ASAP1: variants seen among roughly 807,000 people sequenced by gnomAD.
ASAP1 encodes arf-GAP with SH3 domain, ANK repeat and PH domain-containing protein 1.
Under a neutral mutation model 145.2 loss-of-function variants are expected in ASAP1, and 43 were observed. The observed-to-expected ratio is 0.30, with a 90% CI of 0.23 to 0.38. The LOEUF (loss-of-function observed/expected upper bound fraction) is 0.38. Ranked by LOEUF, ASAP1 falls within the 10% of genes least tolerant of loss-of-function variation. The probability of loss-of-function intolerance (pLI) is 1.00; values close to 1 mark genes in which losing one functional copy is unlikely to be tolerated. For missense variants in ASAP1, 1,018 were observed against 1,355.3 expected (o/e 0.75, Z 3.91); for synonymous variants, 546 against 515.5 (o/e 1.06, Z -0.80).
chr8:130,320,997 T>G lies in ASAP1; in HGVS notation c.186+37020A>C, dbSNP rs913127290. On this transcript the variant is annotated intron_variant, in intron 3 of 29. Transcript: ENST00000518721. ...GACAACCAGAAATTTGAGAAAACCT[T>G]TTTATCTCATCCCAAATATATAAAT... Among the ~76,000 whole-genome samples the G allele has an allele frequency of 8.5e-5, 13 of 152,260 alleles. 1 individual carries two copies. The highest frequency in any genetic ancestry group is 2.9e-4 in the African/African-American group (12 of 41,548).
In ASAP1 at chr8:130,443,213, CCT is replaced by C. The variant is rs1301509947; in HGVS notation, c.-28+245_-28+246del. Among the ~76,000 whole-genome samples, 263 of 149,080 alleles carry C rather than the reference CCT, an allele frequency of 1.8e-3. 1 individual carries two copies. The Middle Eastern group carries it at 0.021, about 12-fold the overall frequency. ...CTCTCCCGAGCTGGAGGCGAGGAGACCTCCCCCCCCCACCGGGCGGCCTCGCC... is the reference window on the plus strand; with the variant it reads ...CTCTCCCGAGCTGGAGGCGAGGAGACCCCCCCCCCACCGGGCGGCCTCGCC... On this transcript the variant is annotated intron_variant, in intron 1 of 29. Coordinates refer to ENST00000518721, the MANE Select transcript of ASAP1 (RefSeq NM_018482.4).
At chr8:130,425,336 T>C (rs1004376135) in intron 1 of ASAP1, among the ~76,000 whole-genome samples, 1 of 149,340 alleles carries the variant, frequency 6.7e-6, no homozygotes, top group African/African-American at 2.5e-5. Context: ...CATCTCAAAA[T>C]ATATATATAT....
chr8:130,094,824 T>C (rs980796486), intron 24 of ASAP1, among the ~76,000 whole-genome samples: 1 of 152,184 alleles, frequency 6.6e-6, no homozygotes, highest in African/African-American at 2.4e-5. Flanking sequence ...TGGAAATAAA[T>C]GGATAATAGA....
chr8:130,255,427 A>C (rs979324369), intron 3 of ASAP1, among the ~76,000 whole-genome samples: 5 of 151,994 alleles, frequency 3.3e-5, no homozygotes, highest in Non-Finnish European at 7.4e-5. Context: ...TGCTTTTTTC[A>C]CTTAATATTA....
At chr8:130,076,270 G>T in intron 27 of ASAP1, 78 bp downstream of exon 27, 5 of 999,558 alleles carry the variant, frequency 5.0e-6, no homozygotes, top group Non-Finnish European at 3.0e-6. Flanking sequence ...AATGAACAAG[G>T]GAGATAAAAA....
chr8:130,307,372 C>T (rs1353702780), intron 3 of ASAP1, among the ~76,000 whole-genome samples: 1 of 152,146 alleles, frequency 6.6e-6, no homozygotes, highest in Non-Finnish European at 1.5e-5. Flanking sequence ...TAAAGAGGGA[C>T]TCAAAATGGG....
chr8:130,158,246 A>G (rs1164853982), intron 12 of ASAP1, among the ~76,000 whole-genome samples: 5 of 152,062 alleles, frequency 3.3e-5, no homozygotes, highest in Admixed American at 6.6e-5. Flanking sequence ...ACAGTGAGTC[A>G]TGCCCGTAAT....
chr8:130,390,942 C>CA (rs146330785), intron 2 of ASAP1, among the ~76,000 whole-genome samples: 1,540 of 149,524 alleles, frequency 0.01, 38 homozygotes, highest in African/African-American at 0.037. Flanking sequence ...ATCCCCCGCC[C>CA]CCCCAAAATT....
chr8:130,092,163 G>A lies in ASAP1; in HGVS notation c.2402-20C>T, dbSNP rs1288020111. 1 of 1,560,318 alleles carries A rather than the reference G, an allele frequency of 6.4e-7. No homozygotes were observed. The highest frequency in any genetic ancestry group is 8.6e-7 in the Non-Finnish European group (1 of 1,160,802). ...TTGGACCTAGAAAGGAAATTGAATGGGGGCAGGAAGATTAATCCCAGTCTC... is the reference window on the plus strand; with the variant it reads ...TTGGACCTAGAAAGGAAATTGAATGAGGGCAGGAAGATTAATCCCAGTCTC... On this transcript the variant is annotated intron_variant, in intron 24 of 29. Transcript: ENST00000518721.
chr8:130,422,205 GCA>G (rs1829747800), intron 1 of ASAP1, among the ~76,000 whole-genome samples: 1 of 152,146 alleles, frequency 6.6e-6, no homozygotes, highest in South Asian at 2.1e-4. Flanking sequence ...AGGGGGATGG[GCA>G]CATCTTCAAC....
chr8:130,187,286 CT>C lies in ASAP1; in HGVS notation c.481-2del. ...CTTTGTCAAATGGCTTCTTGAGATC[CT>C]TAGAAACGAGAAAATGAGATTAAAA... is the stretch of plus-strand genomic sequence containing the variant. On this transcript the variant is annotated splice_acceptor_variant, in intron 6 of 29. Coordinates refer to ENST00000518721, the MANE Select transcript of ASAP1 (RefSeq NM_018482.4). LOFTEE classifies it high-confidence loss of function. 6.2e-7 allele frequency: 1 copy of C among 1,608,480 alleles called. No individual in the cohort carries two copies. Among genetic ancestry groups the C allele is most frequent in the Non-Finnish European group, 8.5e-7 (1 of 1,178,050 alleles).
At chr8:130,062,641 T>C (rs1281550853) in intron 27 of ASAP1, among the ~76,000 whole-genome samples, 1 of 152,220 alleles carries the variant, frequency 6.6e-6, no homozygotes, top group East Asian at 1.9e-4. Flanking sequence ...GTGCCAGGCA[T>C]GGAAAACCTT....
Position 130,137,004 on chromosome 8 carries a change from G to C in ASAP1, c.1115C>G (p.Thr372Ser). The change falls in exon 14 of 30, where the codon ACC becomes AGC. Residue 372 changes from threonine (T) to serine (S), a missense_variant. This residue lies in a region of ASAP1 where 27 missense variants were observed against 88.2 expected (regional missense o/e 0.31). Transcript: ENST00000518721. ...NRQPAKLNLLTCQVKPNAEDK... is the reference protein window; with the variant it reads ...NRQPAKLNLLSCQVKPNAEDK... ...TTCGGCATTAGGTTTTACTTGGCAG[G>C]TGAGAAGGTTCAACTTGGCTGGTTG... The C allele has an allele frequency of 6.2e-7, 1 of 1,614,244 alleles. No individual in the cohort carries two copies. The highest frequency in any genetic ancestry group is 8.5e-7 in the Non-Finnish European group (1 of 1,180,044).
At chr8:130,112,029 A>G in intron 24 of ASAP1, 65 bp downstream of exon 24, 1 of 1,449,040 alleles carries the variant, frequency 6.9e-7, no homozygotes, top group Non-Finnish European at 9.6e-7. Flanking sequence ...CTAGACTATC[A>G]GCTCTGAGGA....
At chr8:130,125,889 C>A in intron 17 of ASAP1, 67 bp downstream of exon 17, 5 of 1,487,768 alleles carry the variant, frequency 3.4e-6, no homozygotes, top group South Asian at 1.4e-5. Flanking sequence ...AAAAAAAATC[C>A]AAAACAATAT....
intron 27 of ASAP1, among the ~76,000 whole-genome samples, chr8:130,071,262 G>A (rs1306527346): frequency 6.6e-6 from 1 of 152,122 alleles, no homozygotes; most frequent in Non-Finnish European, 1.5e-5. Context: ...ATGAGCCACT[G>A]CGCCCAACAC....
At chr8:130,354,144 C>G (rs1826166030) in intron 3 of ASAP1, among the ~76,000 whole-genome samples, 1 of 152,108 alleles carries the variant, frequency 6.6e-6, no homozygotes, top group African/African-American at 2.4e-5. Flanking sequence ...CCCACCTCGG[C>G]CTCCCAAAGT....
Position 130,358,501 on chromosome 8 carries a change from G to C in ASAP1, c.60-358C>G, listed in dbSNP as rs2138152899. Among the ~76,000 whole-genome samples, 1 of 148,104 alleles carries C rather than the reference G, an allele frequency of 6.8e-6. No homozygotes were observed. The highest frequency in any genetic ancestry group is 2.1e-4 in the South Asian group (1 of 4,812). On this transcript the variant is annotated intron_variant, in intron 2 of 29. Coordinates refer to ENST00000518721, the MANE Select transcript of ASAP1 (RefSeq NM_018482.4). The surrounding 1 kb of genome is among the most constrained non-coding windows in gnomAD (Gnocchi z 4.1). ...GGTCTTCGCGGGGGTCTGGGCTCCG[G>C]CCGGCCGCTGGGGCGTGCGCGGGCT...
chr8:130,167,256 G>A (rs1192878263), intron 11 of ASAP1, among the ~76,000 whole-genome samples: 7 of 151,568 alleles, frequency 4.6e-5, no homozygotes, highest in East Asian at 1.9e-4. Flanking sequence ...TGTGCCTGCC[G>A]CCTCACTCTA....
Sources: gnomAD v4.1 joint callset for allele counts (sites outside exome capture counted in the v4.1 genomes callset) on GRCh38, gnomAD v4.1.1 for gene constraint, gnomAD v4.1.1 regional missense constraint, Gnocchi (gnomAD v3.1) non-coding constraint, MANE v1.5 for transcripts, NCBI Gene and HGNC (gene_info 2026-07-23, HGNC 2026-07-21) for gene names.